The following CCAR2 variants were observed in gnomAD, a reference collection of about 807,000 sequenced individuals.
CCAR2 encodes the protein cell cycle and apoptosis regulator 2.
In CCAR2, 21 loss-of-function variants were observed where a neutral mutation model predicts 108.1. That is an observed-to-expected ratio of 0.19 (90% CI 0.14 to 0.28). The LOEUF (loss-of-function observed/expected upper bound fraction) is 0.28, where lower values mean the gene tolerates loss of function less well. Among genes scored for constraint, CCAR2 ranks in the 10% least tolerant of loss-of-function variants. CCAR2 has a pLI of 1.00. For synonymous variants in CCAR2, 577 were observed against 472.8 expected, an observed-to-expected ratio of 1.22 and a Z score of -2.86; for missense variants, 1,126 against 1,177.0, an observed-to-expected ratio of 0.96 and a Z score of 0.63.
Position 22,604,778 on chromosome 8 carries a change from G to C in CCAR2, c.-103G>C, listed in dbSNP as rs200745118. On this transcript the variant is annotated 5_prime_UTR_variant, in exon 1 of 21. Coordinates refer to ENST00000308511, the MANE Select transcript of CCAR2 (RefSeq NM_001393997.1). ...CCGGAGAGGCGCTTCCGGTGGCGGC[G>C]GCAGCAGCGGCTGTGGTGGTTCCGG... The C allele has an allele frequency of 2.2e-6, 1 of 456,070 alleles. No individual in the cohort carries two copies. The highest frequency in any genetic ancestry group is 4.4e-6 in the Non-Finnish European group (1 of 226,888). 28.3% of individuals were successfully genotyped at this position (456,070 alleles called of 1,614,324 possible).
chr8:22,619,395 C>T, intron 20 of CCAR2, 40 bp downstream of exon 20: 2 of 1,541,278 alleles, frequency 1.3e-6, no homozygotes, highest in East Asian at 2.4e-5. Flanking sequence ...CAGCTCCTTT[C>T]CCTGAGCTCC....
chr8:22,614,354 G>C, intron 9 of CCAR2, 36 bp from the exon 10 acceptor site: 2 of 1,613,932 alleles, frequency 1.2e-6, no homozygotes. Context: ...GATTTCTGGA[G>C]GCTGAAGGCA....
chr8:22,611,442 G>T (rs956335555), intron 7 of CCAR2, among the ~76,000 whole-genome samples: 13 of 139,612 alleles, frequency 9.3e-5, no homozygotes, highest in Admixed American at 8.4e-4. Context: ...ATGTGTGTGT[G>T]TATACATATG....
At chr8:22,611,379 AGT>A (rs1336492796) in intron 7 of CCAR2, among the ~76,000 whole-genome samples, 1 of 29,714 alleles carries the variant, frequency 3.4e-5, no homozygotes, top group South Asian at 1.3e-3. Context: ...AAAAAAAAAA[AGT>A]ATATATATGT....
In CCAR2 at chr8:22,620,014, G is replaced by A. The variant is rs777514628; in HGVS notation, c.*332G>A. The A allele has an allele frequency of 3.0e-6, 1 of 337,890 alleles. No individual in the cohort carries two copies. Among genetic ancestry groups the A allele is most frequent in the Non-Finnish European group, 5.6e-6 (1 of 178,912 alleles). 20.9% of individuals were successfully genotyped at this position (337,890 alleles called of 1,614,324 possible). A position where few individuals can be genotyped will look rare whatever the true frequency, so the allele number is the denominator to read the frequency against. Reference sequence around the variant, plus strand: ...CCTGTCCTCTTCCAGTTTAGAATAAGACAGGGGAGAAAAAGGCTTTTCGAG... The same window carrying A: ...CCTGTCCTCTTCCAGTTTAGAATAAAACAGGGGAGAAAAAGGCTTTTCGAG... On this transcript the variant is annotated 3_prime_UTR_variant, in exon 21 of 21. Coordinates refer to ENST00000308511, the MANE Select transcript of CCAR2 (RefSeq NM_001393997.1).
intron 7 of CCAR2, among the ~76,000 whole-genome samples, chr8:22,609,448 G>A (rs940076781): frequency 1.3e-5 from 2 of 152,116 alleles, no homozygotes; most frequent in African/African-American, 4.8e-5. Flanking sequence ...CACCACGCCC[G>A]GCCCATTGTG....
intron 16 of CCAR2, 74 bp from the exon 17 acceptor site, chr8:22,618,275 C>T: frequency 6.3e-7 from 1 of 1,588,252 alleles, no homozygotes; most frequent in Non-Finnish European, 8.6e-7. Context: ...GGATTCTGGA[C>T]AGGCTGAATC....
In CCAR2 at chr8:22,616,138, GCCAAGGAAGAAGCCA is replaced by G; in HGVS notation, c.1743_1757del (p.Ala583_Glu587del). On this transcript the variant is annotated inframe_deletion, in exon 14 of 21. Coordinates refer to ENST00000308511, the MANE Select transcript of CCAR2 (RefSeq NM_001393997.1). ...ACCTGAACCTGAGAAGGAGGAGGCGGCCAAGGAAGAAGCCACCAAGGAGGAAGAAGCCATCAAAGA... is the reference window on the plus strand; with the variant it reads ...ACCTGAACCTGAGAAGGAGGAGGCGGCCAAGGAGGAAGAAGCCATCAAAGA... 2 of 1,613,816 alleles carry G rather than the reference GCCAAGGAAGAAGCCA, an allele frequency of 1.2e-6. No individual in the cohort carries two copies. Among genetic ancestry groups the G allele is most frequent in the Non-Finnish European group, 1.7e-6 (2 of 1,179,884 alleles).
At chr8:22,611,522 T>A (rs914628958) in intron 7 of CCAR2, among the ~76,000 whole-genome samples, 1 of 152,072 alleles carries the variant, frequency 6.6e-6, no homozygotes, top group African/African-American at 2.4e-5. Context: ...GTAACTGTTG[T>A]TAACAGGTAG....
In CCAR2 at chr8:22,615,811, C is replaced by T. The variant is rs1287548545; in HGVS notation, c.1507C>T (p.Pro503Ser). ...CACTGATCTCCCAGAGGCCCCTCCA[C>T]CCCCCCTAGAACCTGCTGTCATCGC... ...TDTDLPEAPP[P>S]PLEPAVIARP... is the part of the protein sequence containing the mutation. Residue 503 changes from proline to serine, a missense_variant, in exon 13 of 21, where the codon CCC becomes TCC. Coordinates refer to ENST00000308511, the MANE Select transcript of CCAR2 (RefSeq NM_001393997.1). 3 of 1,613,862 alleles carry T rather than the reference C, an allele frequency of 1.9e-6. No homozygotes were observed. The highest frequency in any genetic ancestry group is 2.5e-6 in the Non-Finnish European group (3 of 1,179,988).
rs200912600 is a variant in CCAR2 at position 22,620,218 on chromosome 8, A to C, written c.*536A>C. ...ATGGAGTCCATGCTAGAAAGAGCTC[A>C]GTGTTGGGCTGGGTTTGCCAGTAGA... On this transcript the variant is annotated 3_prime_UTR_variant, in exon 21 of 21. Coordinates refer to ENST00000308511, the MANE Select transcript of CCAR2 (RefSeq NM_001393997.1). 1 of 155,092 alleles carries C rather than the reference A, an allele frequency of 6.4e-6. No homozygotes were observed. The highest frequency in any genetic ancestry group is 1.4e-5 in the Non-Finnish European group (1 of 69,648). The allele number at this position is 155,092 out of a possible 1,614,324, so 9.6% of individuals were successfully genotyped here. A position where few individuals can be genotyped will look rare whatever the true frequency, so the allele number is the denominator to read the frequency against.
chr8:22,617,620 T>C (rs1801577021), intron 15 of CCAR2, 56 bp downstream of exon 15: 1 of 1,611,862 alleles, frequency 6.2e-7, no homozygotes, highest in Non-Finnish European at 8.5e-7. Context: ...TTTCCACCTG[T>C]GGCCAAGCTG....
chr8:22,608,901 T>A (rs1243884397), intron 7 of CCAR2, among the ~76,000 whole-genome samples: 4 of 152,216 alleles, frequency 2.6e-5, no homozygotes, highest in South Asian at 2.1e-4. Flanking sequence ...GCTACCATTC[T>A]TTTTCATCTC....
rs202062142 is a variant in CCAR2 at position 22,613,010 on chromosome 8, C to T, written c.585-7C>T. ...TTTCTTACTGTTGGTGATGGGTCAA[C>T]CTCTAGTGATGACTATGACTCCAAG... On this transcript the variant is annotated splice_polypyrimidine_tract_variant and splice_region_variant and intron_variant, in intron 7 of 20. Coordinates refer to ENST00000308511, the MANE Select transcript of CCAR2 (RefSeq NM_001393997.1). The T allele has an allele frequency of 6.8e-6, 11 of 1,611,600 alleles. No individual in the cohort carries two copies. The East Asian group carries it at 8.9e-5, about 13-fold the overall frequency.
intron 6 of CCAR2, 124 bp downstream of exon 6, chr8:22,607,449 T>A: frequency 1.9e-6 from 2 of 1,061,574 alleles, no homozygotes; most frequent in Non-Finnish European, 2.7e-6. Flanking sequence ...AGGTGGGCAA[T>A]CTGGATAGGT....
intron 7 of CCAR2, among the ~76,000 whole-genome samples, chr8:22,611,089 G>A (rs905289350): frequency 3.3e-5 from 5 of 151,762 alleles, no homozygotes; most frequent in Non-Finnish European, 7.4e-5. Context: ...GGCCAGGCGC[G>A]GTGGCTCATG....
chr8:22,612,370 C>T (rs1431526168), intron 7 of CCAR2, among the ~76,000 whole-genome samples: 1 of 152,006 alleles, frequency 6.6e-6, no homozygotes, highest in Non-Finnish European at 1.5e-5. Flanking sequence ...TGGGTTCAAG[C>T]GATTCTCCTG....
chr8:22,614,500 T>G lies in CCAR2; in HGVS notation c.1038T>G (p.Ile346Met), dbSNP rs1186208098. ...CGCCAGAGCATCCTCTGAAGCAGAT[T>G]AAGGTAAGAGCTGGAGAGCAGGAGG... is the stretch of plus-strand genomic sequence containing the variant. Reference protein sequence around the residue: ...RETPEHPLKQIKFLLGRKEEE... With the variant: ...RETPEHPLKQMKFLLGRKEEE... Residue 346 changes from isoleucine (I) to methionine (M), a missense_variant, in exon 10 of 21, where the codon ATT becomes ATG. Ile to Met is a conservative substitution (Grantham distance 10). Around this residue, in one of 4 missense-constraint regions of CCAR2, gnomAD observed 1,013 missense variants for 993.9 expected, o/e 1.02. Transcript: ENST00000308511. The G allele has an allele frequency of 6.2e-7, 1 of 1,613,532 alleles. No individual in the cohort carries two copies.
At chr8:22,608,149 G>C in intron 7 of CCAR2, 84 bp downstream of exon 7, 1 of 1,135,138 alleles carries the variant, frequency 8.8e-7, no homozygotes, top group Non-Finnish European at 1.3e-6. Context: ...GTGTTGGCCA[G>C]GAAGTGAACC....
Sources: allele counts gnomAD v4.1 joint callset (sites outside exome capture counted in the v4.1 genomes callset), GRCh38; gene constraint gnomAD v4.1.1; regional missense constraint gnomAD v4.1.1; transcripts MANE v1.5; gene names NCBI Gene and HGNC (gene_info 2026-07-23, HGNC 2026-07-21).